NHSL2: variants seen among roughly 807,000 people sequenced by gnomAD.
NHSL2 encodes the protein NHS like 2, also known as NHS-like protein 2.
In NHSL2, 27 loss-of-function variants were observed where a neutral mutation model predicts 53.4. That is an observed-to-expected ratio of 0.51 (90% CI 0.37 to 0.70). The LOEUF (loss-of-function observed/expected upper bound fraction) is 0.70. Among genes scored for constraint, NHSL2 ranks in the 30% least tolerant of loss-of-function variants. The probability of loss-of-function intolerance (pLI) is 0.00; values close to 1 mark genes in which losing one functional copy is unlikely to be tolerated. For missense variants in NHSL2, 892 were observed against 980.1 expected, an observed-to-expected ratio of 0.91 and a Z score of 1.20; for synonymous variants, 408 against 404.1, an observed-to-expected ratio of 1.01 and a Z score of -0.12.
intron 1 of NHSL2, among the ~76,000 whole-genome samples, chrX:72,030,200 G>A (rs773566820): frequency 8.0e-5 from 9 of 112,362 alleles, no homozygotes; most frequent in Admixed American, 6.5e-4. Context: ...TAGCTATGAC[G>A]AAGAAAAGAC....
At position 72,146,443 on chromosome X, in the gene NHSL2, A is replaced by G; in HGVS notation, c.*2869A>G. 1 of 112,495 alleles carries G rather than the reference A, an allele frequency of 8.9e-6. No individual in the cohort carries two copies. Among genetic ancestry groups the G allele is most frequent in the Non-Finnish European group, 1.9e-5 (1 of 53,322 alleles). 9.3% of individuals were successfully genotyped at this position (112,495 alleles called of 1,213,427 possible). On this transcript the variant is annotated 3_prime_UTR_variant, in exon 8 of 8. Transcript: ENST00000633930. Reference sequence around the variant, plus strand: ...GAGAGGCTGAAAGCCCCTCTCAGAAAGGCTTGCAGAGAACCCACCACTACT... The same window carrying G: ...GAGAGGCTGAAAGCCCCTCTCAGAAGGGCTTGCAGAGAACCCACCACTACT...
chrX:72,041,909 G>A (rs1277186354), intron 1 of NHSL2, among the ~76,000 whole-genome samples: 2 of 112,247 alleles, frequency 1.8e-5, no homozygotes, highest in African/African-American at 6.5e-5. Context: ...AGGAACATGA[G>A]AACGGTGAGG....
chrX:71,917,543 C>G (rs1160847360), intron 1 of NHSL2, among the ~76,000 whole-genome samples: 1 of 110,035 alleles, frequency 9.1e-6, no homozygotes, highest in Non-Finnish European at 1.9e-5. Flanking sequence ...TCTGGGGGTA[C>G]AGAGTAGAAC....
intron 1 of NHSL2, among the ~76,000 whole-genome samples, chrX:72,122,132 G>A (rs1170650418): frequency 2.7e-5 from 3 of 111,900 alleles, no homozygotes; most frequent in Non-Finnish European, 5.6e-5. Flanking sequence ...TTTTATGCAC[G>A]TGAAAACATT....
At chrX:72,003,861 C>G (rs1425758398) in intron 1 of NHSL2, among the ~76,000 whole-genome samples, 1 of 111,349 alleles carries the variant, frequency 9.0e-6, no homozygotes, top group Non-Finnish European at 1.9e-5. Flanking sequence ...TGGAAGGTCA[C>G]CCAGCTAGTA....
chrX:71,962,947 A>T (rs2041874951), intron 1 of NHSL2, among the ~76,000 whole-genome samples: 1 of 110,213 alleles, frequency 9.1e-6, no homozygotes, highest in African/African-American at 3.3e-5. Flanking sequence ...CCCTACTTGC[A>T]TTTCTGATTT....
chrX:71,983,974 T>C (rs2041991955), intron 1 of NHSL2, among the ~76,000 whole-genome samples: 1 of 111,637 alleles, frequency 9.0e-6, no homozygotes, highest in Non-Finnish European at 1.9e-5. Context: ...TAAGAAGGCC[T>C]AACTTACTGG....
intron 1 of NHSL2, among the ~76,000 whole-genome samples, chrX:72,019,290 TATTC>T (rs746945512): frequency 2.7e-5 from 3 of 112,174 alleles, no homozygotes; most frequent in South Asian, 3.7e-4. Context: ...GTCATTTCAT[TATTC>T]ATTCATTCAT....
chrX:71,931,959 C>G (rs151214430), intron 1 of NHSL2, among the ~76,000 whole-genome samples: 1 of 112,320 alleles, frequency 8.9e-6, no homozygotes, highest in East Asian at 2.8e-4. Flanking sequence ...TACTGTTTAT[C>G]AAGGATATCC....
At chrX:72,142,496 C>A in intron 7 of NHSL2, 132 bp downstream of exon 7, 1 of 515,471 alleles carries the variant, frequency 1.9e-6, no homozygotes, top group Non-Finnish European at 3.0e-6. Context: ...AAAACTGCTA[C>A]CTTTAAGCAG....
At position 72,109,552 on chromosome X, in the gene NHSL2, C is replaced by G. The variant is rs1352352359; in HGVS notation, c.281-22527C>G. 6.2e-5 allele frequency among the ~76,000 whole-genome samples: 7 copies of G among 112,128 alleles called. No homozygotes were observed. The East Asian group carries it at 1.9e-3, about 31-fold the overall frequency. On this transcript the variant is annotated intron_variant, in intron 1 of 7. Transcript: ENST00000633930. Reference sequence around the variant, plus strand: ...TGGCGCGATCTCGGCTCACTGCAACCTCCGCCTCCCAGGTTCAAGCCATTC... The same window carrying G: ...TGGCGCGATCTCGGCTCACTGCAACGTCCGCCTCCCAGGTTCAAGCCATTC...
chrX:72,100,754 A>G (rs138711058), intron 1 of NHSL2, among the ~76,000 whole-genome samples: 5,998 of 112,235 alleles, frequency 0.053, 407 homozygotes, highest in African/African-American at 0.19. Flanking sequence ...TCCTGAATCC[A>G]TGCCCCCACC....
At chrX:72,084,202 AAG>A (rs1313113969) in intron 1 of NHSL2, among the ~76,000 whole-genome samples, 1 of 111,935 alleles carries the variant, frequency 8.9e-6, no homozygotes, top group Non-Finnish European at 1.9e-5. Context: ...AAAGCTTGAG[AAG>A]AGAGGGGGAG....
intron 1 of NHSL2, among the ~76,000 whole-genome samples, chrX:72,017,046 C>T (rs2042138736): frequency 9.0e-6 from 1 of 111,418 alleles, no homozygotes; most frequent in Non-Finnish European, 1.9e-5. Context: ...AGGAGTGGCC[C>T]CTGTTCCATG....
chrX:72,034,595 A>C (rs2042232227), intron 1 of NHSL2, among the ~76,000 whole-genome samples: 1 of 112,129 alleles, frequency 8.9e-6, no homozygotes, highest in Admixed American at 9.4e-5. Context: ...TTGTAAATTC[A>C]GTTTTTGAAA....
intron 1 of NHSL2, among the ~76,000 whole-genome samples, chrX:71,952,659 C>A (rs952733301): frequency 9.0e-6 from 1 of 110,543 alleles, no homozygotes; most frequent in African/African-American, 3.3e-5. Context: ...TCCTAAAGGC[C>A]TCACCTCTTA....
At chrX:72,029,888 G>T (rs1468404243) in intron 1 of NHSL2, among the ~76,000 whole-genome samples, 1 of 112,007 alleles carries the variant, frequency 8.9e-6, no homozygotes, top group Non-Finnish European at 1.9e-5. Context: ...GTGCATTTTT[G>T]GGAATCACTT....
At chrX:71,915,662 T>C (rs73634891) in intron 1 of NHSL2, among the ~76,000 whole-genome samples, 4,230 of 111,992 alleles carry the variant, frequency 0.038, 140 homozygotes, top group African/African-American at 0.11. Context: ...CCTAATCATG[T>C]ATTTAATCTG....
intron 1 of NHSL2, among the ~76,000 whole-genome samples, chrX:71,992,812 G>T (rs2042033377): frequency 8.9e-6 from 1 of 112,018 alleles, no homozygotes; most frequent in African/African-American, 3.3e-5. Flanking sequence ...ATTAGAGCTG[G>T]GCTGGGTTGG....
Sources: gnomAD v4.1 joint callset for allele counts (sites outside exome capture counted in the v4.1 genomes callset) on GRCh38, gnomAD v4.1.1 for gene constraint, MANE v1.5 for transcripts, NCBI Gene and HGNC (gene_info 2026-07-23, HGNC 2026-07-21) for gene names.